UPK1A: variants seen among roughly 807,000 people sequenced by gnomAD.
The protein encoded by UPK1A is uroplakin 1A.
A neutral mutation model predicts 32.3 loss-of-function variants in UPK1A; 31 were observed. The ratio of observed to expected loss-of-function variants is 0.96; its 90% CI spans 0.72 to 1.30. The LOEUF (loss-of-function observed/expected upper bound fraction) is 1.30. Among genes scored for constraint, UPK1A ranks in the 50% most tolerant of loss-of-function variants. The pLI is 0.00. For missense variants in UPK1A, 340 were observed against 357.4 expected (o/e 0.95, Z 0.39); for synonymous variants, 135 against 137.1 (o/e 0.98, Z 0.11).
At chr19:35,676,198 T>TC (rs576312064) in intron 6 of UPK1A, 179 bp downstream of exon 6, 267 of 818,368 alleles carry the variant, frequency 3.3e-4, no homozygotes, top group South Asian at 1.0e-3. Context: ...TTTCTTTCTT[T>TC]TTTTTTTTTC....
chr19:35,668,253 G>T, intron 2 of UPK1A: 1 of 642,964 alleles, frequency 1.6e-6, no homozygotes, highest in Non-Finnish European at 2.7e-6. Context: ...CTGGGGCGTG[G>T]GGGTCGGTTG....
intron 6 of UPK1A, among the ~76,000 whole-genome samples, chr19:35,677,521 G>A (rs187889744): frequency 6.7e-6 from 1 of 149,284 alleles, no homozygotes; most frequent in Admixed American, 6.7e-5. Flanking sequence ...GGGAGACTGC[G>A]AGACTGTCTC....
chr19:35,666,590 A>G (rs73931240), intron 1 of UPK1A, 52 bp downstream of exon 1: 62,434 of 553,260 alleles, frequency 0.11, 4,616 homozygotes, highest in East Asian at 0.28. Context: ...TCTGAGGCTC[A>G]GGGAGGGGCA....
At chr19:35,667,076 G>A (rs1422440501) in intron 2 of UPK1A, among the ~76,000 whole-genome samples, 180 bp downstream of exon 2, 1 of 152,144 alleles carries the variant, frequency 6.6e-6, no homozygotes, top group Non-Finnish European at 1.5e-5. Flanking sequence ...GCAAGCGACT[G>A]TCCCTCTCTG....
At chr19:35,668,889 G>A (rs1212653653) in intron 3 of UPK1A, among the ~76,000 whole-genome samples, 1 of 141,932 alleles carries the variant, frequency 7.0e-6, no homozygotes, top group African/African-American at 2.6e-5. Flanking sequence ...TCACTATGTT[G>A]CCCAGGCTGG....
intron 2 of UPK1A, among the ~76,000 whole-genome samples, chr19:35,667,288 T>C (rs962017590): frequency 1.8e-4 from 28 of 151,592 alleles, no homozygotes; most frequent in African/African-American, 6.3e-4. Flanking sequence ...CAATTAACAT[T>C]GGGTTTTGGT....
At chr19:35,666,955 T>C (rs1473093145) in intron 2 of UPK1A, 59 bp downstream of exon 2, 25 of 1,558,612 alleles carry the variant, frequency 1.6e-5, no homozygotes, top group African/African-American at 2.7e-5. Flanking sequence ...GGGACAGTCC[T>C]GAGCTCGGGG....
intron 6 of UPK1A, among the ~76,000 whole-genome samples, chr19:35,677,253 C>T (rs1253014204): frequency 6.6e-6 from 1 of 151,044 alleles, no homozygotes; most frequent in African/African-American, 2.4e-5. Context: ...GCCGGGCGCG[C>T]ACAGTGGCTC....
chr19:35,669,094 C>T (rs925243031), intron 3 of UPK1A, among the ~76,000 whole-genome samples: 2 of 152,072 alleles, frequency 1.3e-5, no homozygotes, highest in Admixed American at 6.6e-5. Context: ...CTACAAGCCA[C>T]GAGCTGTTCT....
intron 3 of UPK1A, among the ~76,000 whole-genome samples, chr19:35,671,615 G>A (rs1253010950): frequency 6.8e-6 from 1 of 147,906 alleles, no homozygotes; most frequent in East Asian, 2.0e-4. Flanking sequence ...CTGCCACCAC[G>A]CCTGGTTAAT....
intron 5 of UPK1A, among the ~76,000 whole-genome samples, chr19:35,675,526 C>G (rs1223871097): frequency 1.3e-5 from 2 of 152,118 alleles, no homozygotes; most frequent in African/African-American, 4.8e-5. Context: ...GGTGATCCAT[C>G]CACCTCGGCC....
rs563275041 is a variant in UPK1A, at chr19:35,676,028, G to A, written c.648+9G>A. The stretch of plus-strand genomic sequence containing the variant: ...ACTACCTGTTCACCAAGGTGTGGCC[G>A]TCTGCCCTGCTCCATCTGTCTATCC... On this transcript the variant is annotated intron_variant, in intron 6 of 7. Transcript: ENST00000617999. The A allele has an allele frequency of 3.7e-5, 60 of 1,609,714 alleles. 1 individual carries two copies. In the Middle Eastern group the frequency reaches 6.6e-4, roughly 18 times the overall value.
intron 2 of UPK1A, chr19:35,668,128 G>A (rs919725201): frequency 8.0e-5 from 33 of 410,746 alleles, no homozygotes; most frequent in Non-Finnish European, 1.3e-4. Context: ...TCCCCTCCTC[G>A]GGGAATAACA....
intron 5 of UPK1A, 124 bp from the exon 6 acceptor site, chr19:35,675,716 G>A: frequency 8.7e-7 from 1 of 1,146,746 alleles, no homozygotes; most frequent in Non-Finnish European, 1.2e-6. Flanking sequence ...GGAGGCCCAG[G>A]ACATGGGGAA....
chr19:35,666,708 A>T, intron 1 of UPK1A, 101 bp from the exon 2 acceptor site: 1 of 1,203,764 alleles, frequency 8.3e-7, no homozygotes, highest in Non-Finnish European at 1.2e-6. Flanking sequence ...TGGGCCCCGC[A>T]GAGAGCTGGA....
At chr19:35,671,043 T>C (rs1312032262) in intron 3 of UPK1A, among the ~76,000 whole-genome samples, 2 of 151,904 alleles carry the variant, frequency 1.3e-5, no homozygotes, top group Non-Finnish European at 2.9e-5. Context: ...TATTTAATTA[T>C]CTGGCATAAC....
At chr19:35,670,167 A>T (rs1968064111) in intron 3 of UPK1A, among the ~76,000 whole-genome samples, 1 of 152,180 alleles carries the variant, frequency 6.6e-6, no homozygotes, top group Admixed American at 6.5e-5. Context: ...GCAAGGGCAA[A>T]GGCTCTGAGG....
chr19:35,676,254 A>G, intron 6 of UPK1A: 1 of 651,706 alleles, frequency 1.5e-6, no homozygotes, highest in Admixed American at 2.4e-5. Context: ...ACAGTGGCAC[A>G]ATCTCAGCTC....
At chr19:35,668,467 C>T in exon 3 of UPK1A, 1 of 1,614,176 alleles carries the variant, frequency 6.2e-7, no homozygotes, top group Non-Finnish European at 8.5e-7. Flanking sequence ...TCAGGCCTGT[C>T]CCTGTTTGCT....
Sources: gnomAD v4.1 joint callset for allele counts (sites outside exome capture counted in the v4.1 genomes callset) on GRCh38, gnomAD v4.1.1 for gene constraint, MANE v1.5 for transcripts, NCBI Gene and HGNC (gene_info 2026-07-23, HGNC 2026-07-21) for gene names.